Variants in SLC22A23 observed in about 807,000 individuals in gnomAD.
The protein encoded by SLC22A23 is ion transporter protein.
SLC22A23 carries 26 observed loss-of-function variants against 61.0 expected under a neutral mutation model. That is an observed-to-expected ratio of 0.43 (90% CI 0.31 to 0.59). SLC22A23 has a LOEUF of 0.59. Ranked by LOEUF, SLC22A23 falls within the 20% of genes least tolerant of loss-of-function variation. SLC22A23 has a pLI of 0.11. For synonymous variants in SLC22A23, 430 were observed against 413.9 expected (o/e 1.04, Z -0.47); for missense variants, 796 against 934.7 (o/e 0.85, Z 1.94).
At position 3,456,393 on chromosome 6, in the gene SLC22A23, A is replaced by T. The variant is rs1177055292; in HGVS notation, c.167T>A (p.Leu56Gln). The stretch of plus-strand genomic sequence containing the variant: ...CGGGTGCGGGCCGCCTCCAGGATGC[A>T]GTGGGGGCAGCGGCTGGATCTCCGC... ...GGAEIQPLPP[L>Q]HPGGGPHPSC... Residue 56 changes from leucine to glutamine, a missense_variant, in exon 1 of 10, where the codon CTG (leucine) becomes CAG (glutamine). Physicochemically the swap from Leu to Gln is moderately radical, Grantham distance 113 (BLOSUM62 -2). Coordinates refer to ENST00000406686, the MANE Select transcript of SLC22A23 (RefSeq NM_015482.2). The surrounding 1 kb of genome is among the most constrained non-coding windows in gnomAD (Gnocchi z 7.1). 3 of 1,518,442 alleles carry T rather than the reference A, an allele frequency of 2.0e-6. No individual in the cohort carries two copies. The highest frequency in any genetic ancestry group is 2.7e-6 in the Non-Finnish European group (3 of 1,129,822). 94.1% of individuals were successfully genotyped at this position (1,518,442 alleles called of 1,614,324 possible).
Position 3,308,812 on chromosome 6 carries a change from G to C in SLC22A23, c.1083-10594C>G, listed in dbSNP as rs9378779. 1.3e-5 allele frequency among the ~76,000 whole-genome samples: 2 copies of C among 151,720 alleles called. No homozygotes were observed. The highest frequency in any genetic ancestry group is 1.3e-4 in the Admixed American group (2 of 15,236). On this transcript the variant is annotated intron_variant, in intron 4 of 9. Coordinates refer to ENST00000406686, the MANE Select transcript of SLC22A23 (RefSeq NM_015482.2). This position sits in a 1 kb window ranked among gnomAD's most constrained non-coding sequence, Gnocchi z 5.1. ...ACAGAAATTAGCCAAGCATGGTGGCGCAGGCCTGTAATCCCAGCTACTCAG... is the reference window on the plus strand; with the variant it reads ...ACAGAAATTAGCCAAGCATGGTGGCCCAGGCCTGTAATCCCAGCTACTCAG...
At chr6:3,453,422 C>T (rs184440633) in intron 1 of SLC22A23, among the ~76,000 whole-genome samples, 2 of 152,220 alleles carry the variant, frequency 1.3e-5, no homozygotes, top group East Asian at 3.9e-4. Flanking sequence ...GGATGGATAA[C>T]TTCATGTTAG....
chr6:3,445,382 A>G (rs1256425652), intron 1 of SLC22A23, among the ~76,000 whole-genome samples: 1 of 152,184 alleles, frequency 6.6e-6, no homozygotes, highest in East Asian at 1.9e-4. Flanking sequence ...TATTTTTAGT[A>G]GAGACCAGGG....
chr6:3,347,548 A>G (rs1335495645), intron 3 of SLC22A23, among the ~76,000 whole-genome samples: 2 of 151,982 alleles, frequency 1.3e-5, no homozygotes, highest in African/African-American at 4.8e-5. Flanking sequence ...CAAATGCCTC[A>G]GGTATCTGCT....
intron 3 of SLC22A23, among the ~76,000 whole-genome samples, chr6:3,405,205 G>A (rs540638934): frequency 9.6e-4 from 146 of 151,994 alleles, no homozygotes; most frequent in African/African-American, 3.3e-3. Context: ...AGGTTGTAGC[G>A]AGCTGAGATG....
rs533502523 is a variant in SLC22A23, at chr6:3,435,871, C to G, written c.655-20016G>C. ...GTGTCCTTACAAGGAGAGATGAGGA[C>G]ACAGACACACACAGAGGGAGGACCA... On this transcript the variant is annotated intron_variant, in intron 1 of 9. Transcript: ENST00000406686. 3.8e-4 allele frequency among the ~76,000 whole-genome samples: 58 copies of G among 152,278 alleles called. 1 individual carries two copies. Among genetic ancestry groups the G allele is most frequent in the Non-Finnish European group, 7.9e-4 (54 of 68,020 alleles).
rs1758380388 is a variant in SLC22A23, at chr6:3,270,077, A to G, written c.*2978T>C. On this transcript the variant is annotated 3_prime_UTR_variant, in exon 10 of 10. Transcript: ENST00000406686. ...GAGTTTGACTTCAGAAAAAGAACAA[A>G]GTGAAGAAATGTTCAGCTCCATCTC... The G allele has an allele frequency of 6.6e-6, 1 of 152,462 alleles. No homozygotes were observed. The highest frequency in any genetic ancestry group is 1.5e-5 in the Non-Finnish European group (1 of 68,052). The allele number at this position is 152,462 out of a possible 1,614,324, so 9.4% of individuals were successfully genotyped here.
intron 3 of SLC22A23, among the ~76,000 whole-genome samples, chr6:3,405,618 ATTT>A (rs546024248): frequency 3.5e-5 from 5 of 144,356 alleles, no homozygotes; most frequent in Non-Finnish European, 6.1e-5. Flanking sequence ...GCTCAGTCAA[ATTT>A]TTTTTTTTTT....
intron 3 of SLC22A23, among the ~76,000 whole-genome samples, chr6:3,362,156 G>A (rs556796146): frequency 1.0e-3 from 152 of 151,842 alleles, no homozygotes; most frequent in African/African-American, 3.5e-3. Context: ...GTAATCCTAG[G>A]ACTTTGAGAG....
At chr6:3,323,089 C>T (rs569820431) in intron 4 of SLC22A23, among the ~76,000 whole-genome samples, 3 of 152,266 alleles carry the variant, frequency 2.0e-5, no homozygotes, top group African/African-American at 4.8e-5. Context: ...AGGTCAAACC[C>T]CCTTTACCAG....
rs77681296 is a variant in SLC22A23, at chr6:3,450,050, G to A, written c.654+5856C>T. Among the ~76,000 whole-genome samples the A allele has an allele frequency of 9.0e-3, 1,376 of 152,326 alleles. 11 individuals carry two copies. Among genetic ancestry groups the A allele is most frequent in the Non-Finnish European group, 0.014 (932 of 68,022 alleles). ...GTTTCGGATACGCTAGTGTTTCTGAGACAAAATATGTAAATGAAAGTAGAA... is the reference window on the plus strand; with the variant it reads ...GTTTCGGATACGCTAGTGTTTCTGAAACAAAATATGTAAATGAAAGTAGAA... On this transcript the variant is annotated intron_variant, in intron 1 of 9. Transcript: ENST00000406686.
chr6:3,432,373 C>A (rs1013035801), intron 1 of SLC22A23: 3 of 985,328 alleles, frequency 3.0e-6, no homozygotes, highest in Non-Finnish European at 3.6e-6. Context: ...GTTTTTTCCC[C>A]GAATTCTGAA....
At chr6:3,452,599 T>TAAAA (rs570923626) in intron 1 of SLC22A23, among the ~76,000 whole-genome samples, 2 of 40,560 alleles carry the variant, frequency 4.9e-5, no homozygotes, top group African/African-American at 1.0e-4. Context: ...AGACGCTGTC[T>TAAAA]AAAAAAAAAA....
chr6:3,283,800 G>A lies in SLC22A23; in HGVS notation c.1703+52C>T, dbSNP rs532225276. On this transcript the variant is annotated intron_variant, in intron 9 of 9. Transcript: ENST00000406686. Reference sequence around the variant, plus strand: ...CACACCAGCCTGGAGCCAGGGACTCGTCTTTGATTTCCGAGAAGCCGGCGT... The same window carrying A: ...CACACCAGCCTGGAGCCAGGGACTCATCTTTGATTTCCGAGAAGCCGGCGT... 673 of 1,608,670 alleles carry A rather than the reference G, an allele frequency of 4.2e-4. 9 individuals carry two copies. In the South Asian group the frequency reaches 6.7e-3, roughly 16 times the overall value.
Position 3,328,351 on chromosome 6 carries a change from G to A in SLC22A23, c.914-4349C>T, listed in dbSNP as rs10498659. Among the ~76,000 whole-genome samples, 4,704 of 152,152 alleles carry A rather than the reference G, an allele frequency of 0.031. 285 individuals carry two copies. The highest frequency in any genetic ancestry group is 0.11 in the African/African-American group (4,412 of 41,458). On this transcript the variant is annotated intron_variant, in intron 3 of 9. Coordinates refer to ENST00000406686, the MANE Select transcript of SLC22A23 (RefSeq NM_015482.2). This position sits in a 1 kb window ranked among gnomAD's most constrained non-coding sequence, Gnocchi z 5.0. ...AGGAGGCCACAGCTCTGGGAGATAC[G>A]CTTTTCGGAAGTCGTCAGATTCTTA...
At chr6:3,349,732 G>A (rs1214809507) in intron 3 of SLC22A23, among the ~76,000 whole-genome samples, 3 of 152,184 alleles carry the variant, frequency 2.0e-5, no homozygotes, top group Admixed American at 6.5e-5. Flanking sequence ...AGAGCAGAGT[G>A]GAGAAGATGA....
chr6:3,376,732 C>T (rs1245435320), intron 3 of SLC22A23, among the ~76,000 whole-genome samples: 2 of 152,078 alleles, frequency 1.3e-5, no homozygotes, highest in South Asian at 2.1e-4. Flanking sequence ...ACAATTATCT[C>T]GTAGACTAGC....
At position 3,309,513 on chromosome 6, in the gene SLC22A23, G is replaced by A. The variant is rs6909517; in HGVS notation, c.1083-11295C>T. On this transcript the variant is annotated intron_variant, in intron 4 of 9. Coordinates refer to ENST00000406686, the MANE Select transcript of SLC22A23 (RefSeq NM_015482.2). The surrounding 1 kb of genome is among the most constrained non-coding windows in gnomAD (Gnocchi z 4.7). ...CCTCAGAGCAGGGTGGCACCTGACC[G>A]TAATAAGGACTGTGGGCTGACAAGC... 2.0e-5 allele frequency among the ~76,000 whole-genome samples: 3 copies of A among 149,186 alleles called. No individual in the cohort carries two copies. The highest frequency in any genetic ancestry group is 7.7e-5 in the African/African-American group (3 of 38,940).
rs74898409 is a variant in SLC22A23 at position 3,332,033 on chromosome 6, G to A, written c.914-8031C>T. The stretch of plus-strand genomic sequence containing the variant: ...CGGATCAAAATCATACGCAGTGAGT[G>A]ACCATGTTTGTAGAATTATATCACG... On this transcript the variant is annotated intron_variant, in intron 3 of 9. Coordinates refer to ENST00000406686, the MANE Select transcript of SLC22A23 (RefSeq NM_015482.2). Among the ~76,000 whole-genome samples the A allele has an allele frequency of 5.3e-5, 8 of 152,308 alleles. No homozygotes were observed. In the East Asian group the frequency reaches 1.2e-3, roughly 22 times the overall value.
Sources: gnomAD v4.1 joint callset for allele counts (sites outside exome capture counted in the v4.1 genomes callset) on GRCh38, gnomAD v4.1.1 for gene constraint, Gnocchi (gnomAD v3.1) non-coding constraint, MANE v1.5 for transcripts, NCBI Gene and HGNC (gene_info 2026-07-23, HGNC 2026-07-21) for gene names.